Variants in EYA1 observed in about 807,000 individuals in gnomAD.
The protein encoded by EYA1 is protein phosphatase EYA1.
EYA1 carries 16 observed loss-of-function variants against 82.0 expected under a neutral mutation model. That is an observed-to-expected ratio of 0.20 (90% confidence interval 0.13 to 0.30). EYA1 has a LOEUF of 0.30. Among genes scored for constraint, EYA1 ranks in the 10% least tolerant of loss-of-function variants. The pLI is 1.00. For missense variants in EYA1, 633 were observed against 730.7 expected (o/e 0.87, Z 1.54); for synonymous variants, 261 against 264.4 (o/e 0.99, Z 0.12).
At chr8:71,228,699 T>G (rs1810847510) in intron 12 of EYA1, among the ~76,000 whole-genome samples, 1 of 152,208 alleles carries the variant, frequency 6.6e-6, no homozygotes, top group Admixed American at 6.5e-5. Context: ...TCTCATGCAT[T>G]CAACTAATAA....
At chr8:71,472,614 C>T (rs535150913) in intron 2 of EYA1, among the ~76,000 whole-genome samples, 6 of 151,800 alleles carry the variant, frequency 4.0e-5, no homozygotes, top group African/African-American at 1.4e-4. Context: ...TATTTTTCTT[C>T]ACAATAAGGA....
chr8:71,239,444 A>G (rs1812215167), intron 12 of EYA1, among the ~76,000 whole-genome samples: 1 of 152,224 alleles, frequency 6.6e-6, no homozygotes, highest in Non-Finnish European at 1.5e-5. Context: ...TATCCATTTC[A>G]TGGTCAACAT....
chr8:71,317,494 T>C lies in EYA1; in HGVS notation c.556+58A>G, dbSNP rs117074430. 766 of 1,570,282 alleles carry C rather than the reference T, an allele frequency of 4.9e-4. 9 individuals carry two copies. In the East Asian group the frequency reaches 0.016, roughly 32 times the overall value. ...TTTACATGGAACATCAGGTTCTACT[T>C]TAGAAGTTAACTATCAACCTACAGG... is the stretch of plus-strand genomic sequence containing the variant. On this transcript the variant is annotated intron_variant, in intron 7 of 17. Transcript: ENST00000340726.
At chr8:71,319,357 C>T (rs934927676) in intron 6 of EYA1, among the ~76,000 whole-genome samples, 1 of 152,114 alleles carries the variant, frequency 6.6e-6, no homozygotes, top group Non-Finnish European at 1.5e-5. Flanking sequence ...GTCTAGATCT[C>T]CTGACCTCAT....
chr8:71,266,963 C>T (rs1227359046), intron 11 of EYA1, among the ~76,000 whole-genome samples: 1 of 152,234 alleles, frequency 6.6e-6, no homozygotes, highest in Non-Finnish European at 1.5e-5. Flanking sequence ...AAATCCAGTT[C>T]TCTACCTGCA....
At chr8:71,456,974 A>G (rs1364177348) in intron 2 of EYA1, among the ~76,000 whole-genome samples, 2 of 152,194 alleles carry the variant, frequency 1.3e-5, no homozygotes, top group Admixed American at 6.5e-5. Context: ...TGAACAGGCA[A>G]CCTACAGAAT....
chr8:71,463,273 G>A (rs1586767268), intron 2 of EYA1, among the ~76,000 whole-genome samples: 1 of 152,192 alleles, frequency 6.6e-6, no homozygotes, highest in East Asian at 1.9e-4. Context: ...AAGCCAAAGT[G>A]ATGTTCTGTG....
At chr8:71,292,188 T>C (rs1263626092) in intron 9 of EYA1, among the ~76,000 whole-genome samples, 3 of 152,142 alleles carry the variant, frequency 2.0e-5, no homozygotes, top group African/African-American at 4.8e-5. Context: ...AGTAGTAATA[T>C]GACTTAAGCT....
At chr8:71,502,540 G>C (rs1435264697) in intron 2 of EYA1, among the ~76,000 whole-genome samples, 1 of 152,164 alleles carries the variant, frequency 6.6e-6, no homozygotes, top group African/African-American at 2.4e-5. Flanking sequence ...GTATAAGCAT[G>C]TCCCATGCAA....
At chr8:71,466,511 C>T (rs1055286087) in intron 2 of EYA1, among the ~76,000 whole-genome samples, 4 of 151,958 alleles carry the variant, frequency 2.6e-5, no homozygotes, top group East Asian at 1.9e-4. Context: ...GTCTTTAAAA[C>T]GAGAATAAGA....
At chr8:71,271,298 G>A (rs1053977392) in intron 10 of EYA1, among the ~76,000 whole-genome samples, 2 of 152,124 alleles carry the variant, frequency 1.3e-5, no homozygotes, top group South Asian at 2.1e-4. Context: ...ATCCAGGTAC[G>A]CTCTTTTAGT....
intron 2 of EYA1, chr8:71,403,702 G>C (rs1490892906): frequency 6.6e-6 from 1 of 152,166 alleles, no homozygotes; most frequent in East Asian, 1.9e-4. Context: ...CCATATCTAT[G>C]AACCCGAGGA....
intron 9 of EYA1, among the ~76,000 whole-genome samples, chr8:71,288,731 C>G (rs1449961332): frequency 3.3e-5 from 5 of 152,116 alleles, no homozygotes; most frequent in Admixed American, 3.3e-4. Flanking sequence ...ATTTCCAAAC[C>G]AATTCATGCT....
At chr8:71,277,115 A>ATTTTTTTTTTTTTTTTT (rs9298167) in intron 9 of EYA1, among the ~76,000 whole-genome samples, 1 of 76,938 alleles carries the variant, frequency 1.3e-5, no homozygotes. Context: ...GGCTTCACAC[A>ATTTTTTTTTTTTTTTTT]TTTTTTTTTT....
intron 12 of EYA1, among the ~76,000 whole-genome samples, chr8:71,243,603 G>A (rs1209942423): frequency 1.3e-5 from 2 of 152,180 alleles, no homozygotes; most frequent in African/African-American, 2.4e-5. Flanking sequence ...CATTGCAGAT[G>A]AAAAGAAATC....
intron 2 of EYA1, among the ~76,000 whole-genome samples, chr8:71,462,631 G>A (rs1808450835): frequency 6.6e-6 from 1 of 152,188 alleles, no homozygotes; most frequent in African/African-American, 2.4e-5. Flanking sequence ...GGCTCCCACT[G>A]GCTCCTGGAG....
Position 71,528,157 on chromosome 8 carries a change from G to A in EYA1, c.33+7587C>T, listed in dbSNP as rs115014560. 5.3e-3 allele frequency among the ~76,000 whole-genome samples: 814 copies of A among 152,246 alleles called. 5 individuals carry two copies. Among genetic ancestry groups the A allele is most frequent in the African/African-American group, 0.018 (767 of 41,536 alleles). On this transcript the variant is annotated intron_variant, in intron 2 of 18. Transcript: ENST00000643681. ...AGTGCCAGATCAGAGGCAGCCAGGG[G>A]CAATGAGTCTCAATGGTTAGGGCCC...
chr8:71,341,729 T>C (rs570360007), intron 3 of EYA1, among the ~76,000 whole-genome samples: 1 of 152,158 alleles, frequency 6.6e-6, no homozygotes, highest in South Asian at 2.1e-4. Context: ...GGTCATCTTC[T>C]TTATCTTAAA....
intron 9 of EYA1, among the ~76,000 whole-genome samples, chr8:71,295,604 T>C (rs1403273050): frequency 5.3e-5 from 8 of 152,226 alleles, no homozygotes; most frequent in Admixed American, 5.2e-4. Flanking sequence ...GGAACTCTTA[T>C]TCATTGCTGA....
Sources: gnomAD v4.1 joint callset for allele counts (sites outside exome capture counted in the v4.1 genomes callset) on GRCh38, gnomAD v4.1.1 for gene constraint, MANE v1.5 for transcripts, NCBI Gene and HGNC (gene_info 2026-07-23, HGNC 2026-07-21) for gene names.